Variants in PKNOX2 observed in about 807,000 individuals in gnomAD.
The protein encoded by PKNOX2 is homeobox protein PKNOX2.
A neutral mutation model predicts 53.1 loss-of-function variants in PKNOX2; 14 were observed. That is an observed-to-expected ratio of 0.26 (90% CI 0.17 to 0.41). PKNOX2 has a LOEUF of 0.41. Ranked by LOEUF, PKNOX2 falls within the 10% of genes least tolerant of loss-of-function variation. PKNOX2 has a pLI of 1.00. For synonymous variants in PKNOX2, 257 were observed against 242.8 expected, an observed-to-expected ratio of 1.06 and a Z score of -0.54; for missense variants, 496 against 602.8, an observed-to-expected ratio of 0.82 and a Z score of 1.85.
intron 2 of PKNOX2, among the ~76,000 whole-genome samples, chr11:125,259,993 C>T (rs1944718343): frequency 6.6e-6 from 1 of 152,030 alleles, no homozygotes; most frequent in Non-Finnish European, 1.5e-5. Flanking sequence ...CCTCCTGCCT[C>T]ACTCTCCCCA....
At chr11:125,390,001 C>T (rs1016624048) in intron 6 of PKNOX2, among the ~76,000 whole-genome samples, 4 of 152,252 alleles carry the variant, frequency 2.6e-5, no homozygotes, top group African/African-American at 9.6e-5. Flanking sequence ...GAGCTCTGGG[C>T]CCAGAGGCCT....
At chr11:125,224,036 C>A (rs1941455664) in intron 1 of PKNOX2, among the ~76,000 whole-genome samples, 1 of 152,258 alleles carries the variant, frequency 6.6e-6, no homozygotes, top group Non-Finnish European at 1.5e-5. Flanking sequence ...GCTGCTGCGG[C>A]CTTGCTCACA....
chr11:125,326,630 G>C (rs548526433), intron 2 of PKNOX2, among the ~76,000 whole-genome samples: 2 of 152,166 alleles, frequency 1.3e-5, no homozygotes, highest in Non-Finnish European at 2.9e-5. Context: ...GTGTCTTTGA[G>C]ATCAGCCTCA....
chr11:125,178,903 T>A (rs537663446), intron 1 of PKNOX2, among the ~76,000 whole-genome samples: 13 of 152,172 alleles, frequency 8.5e-5, no homozygotes, highest in African/African-American at 2.9e-4. Context: ...TGTAAGTTGG[T>A]ACAGTAATTC....
intron 3 of PKNOX2, among the ~76,000 whole-genome samples, chr11:125,350,575 T>C (rs993660704): frequency 2.6e-5 from 4 of 152,154 alleles, no homozygotes; most frequent in Non-Finnish European, 5.9e-5. Flanking sequence ...TCCTCCTTAA[T>C]AGGATATGCA....
At chr11:125,314,592 A>T (rs964724020) in intron 2 of PKNOX2, among the ~76,000 whole-genome samples, 1 of 152,038 alleles carries the variant, frequency 6.6e-6, no homozygotes, top group African/African-American at 2.4e-5. Flanking sequence ...AAGGCTTCGT[A>T]CTTCAGCTCC....
chr11:125,317,268 C>T (rs578170325), intron 2 of PKNOX2, among the ~76,000 whole-genome samples: 1 of 152,322 alleles, frequency 6.6e-6, no homozygotes, highest in East Asian at 1.9e-4. Context: ...TTGAAATCAA[C>T]TTCTTCTAAA....
chr11:125,334,587 GTTTT>G (rs200038202), intron 3 of PKNOX2, among the ~76,000 whole-genome samples: 1 of 131,596 alleles, frequency 7.6e-6, no homozygotes, highest in Non-Finnish European at 1.6e-5. Context: ...TTAAGTTTTC[GTTTT>G]TTTTTTTTTT....
intron 3 of PKNOX2, among the ~76,000 whole-genome samples, chr11:125,334,592 T>G (rs1950331254): frequency 7.1e-6 from 1 of 141,672 alleles, no homozygotes; most frequent in Non-Finnish European, 1.5e-5. Flanking sequence ...TTTTCGTTTT[T>G]TTTTTTTTTT....
At chr11:125,406,917 TAAAAAAAAAAAAAAA>T (rs67687488) in intron 7 of PKNOX2, among the ~76,000 whole-genome samples, 3 of 41,716 alleles carry the variant, frequency 7.2e-5, no homozygotes, top group Admixed American at 3.9e-4. Context: ...AATCTATGTC[TAAAAAAAAAAAAAAA>T]AAAAAAAAAA....
chr11:125,397,761 G>A (rs1954496258), intron 6 of PKNOX2, 113 bp from the exon 7 acceptor site: 1 of 1,098,728 alleles, frequency 9.1e-7, no homozygotes, highest in East Asian at 2.4e-5. Context: ...TAGGAAGCAT[G>A]AGCTACGGCA....
At position 125,222,605 on chromosome 11, in the gene PKNOX2, CTGTG is replaced by C. The variant is rs1010713566; in HGVS notation, c.-200-12436_-200-12433del. 1.5e-4 allele frequency among the ~76,000 whole-genome samples: 21 copies of C among 140,766 alleles called. 1 individual carries two copies. The Middle Eastern group carries it at 0.022, about 146-fold the overall frequency. 92.3% of individuals were successfully genotyped at this position (140,766 alleles called of 152,430 possible). ...GCTCCTGGTGTGTGTGTGTGTGTGT[CTGTG>C]TGTATGTGTGTGTATGTGTGTGTGT... On this transcript the variant is annotated intron_variant, in intron 1 of 12. Coordinates refer to ENST00000298282, the MANE Select transcript of PKNOX2 (RefSeq NM_001382323.2).
At chr11:125,258,027 C>T (rs985796368) in intron 2 of PKNOX2, among the ~76,000 whole-genome samples, 6 of 152,166 alleles carry the variant, frequency 3.9e-5, no homozygotes, top group Non-Finnish European at 8.8e-5. Context: ...TTGAAGATGG[C>T]CTTCCCTGGG....
At chr11:125,203,588 G>A (rs1078532) in intron 1 of PKNOX2, among the ~76,000 whole-genome samples, 31,659 of 152,056 alleles carry the variant, frequency 0.21, 3,419 homozygotes, top group African/African-American at 0.27. Flanking sequence ...TCCCTCCTTG[G>A]AGGACATTCT....
In PKNOX2 at chr11:125,240,977, G is replaced by A. The variant is rs1943096096; in HGVS notation, c.-130+5862G>A. Among the ~76,000 whole-genome samples, 1 of 152,220 alleles carries A rather than the reference G, an allele frequency of 6.6e-6. No homozygotes were observed. Among genetic ancestry groups the A allele is most frequent in the East Asian group, 1.9e-4 (1 of 5,198 alleles). On this transcript the variant is annotated intron_variant, in intron 2 of 12. Transcript: ENST00000298282. This position sits in a 1 kb window ranked among gnomAD's most constrained non-coding sequence, Gnocchi z 4.3. ...CCAAGGAGAGCCTCCCGTATCTGGA[G>A]GAGCCTAGCGCTGTGCTTGCGATAG...
chr11:125,301,520 T>G (rs764822150), intron 2 of PKNOX2, among the ~76,000 whole-genome samples: 7 of 151,908 alleles, frequency 4.6e-5, no homozygotes, highest in Non-Finnish European at 1.0e-4. Flanking sequence ...GTTGAATTGT[T>G]TGGCATTATC....
At chr11:125,309,033 C>T (rs1049086070) in intron 2 of PKNOX2, among the ~76,000 whole-genome samples, 7 of 152,162 alleles carry the variant, frequency 4.6e-5, no homozygotes, top group Admixed American at 2.0e-4. Flanking sequence ...GGAGTAAACA[C>T]GCTCCTCCTG....
At chr11:125,315,301 A>AG (rs1356611129) in intron 2 of PKNOX2, among the ~76,000 whole-genome samples, 1 of 125,822 alleles carries the variant, frequency 7.9e-6, no homozygotes, top group African/African-American at 3.6e-5. Context: ...TTTGTGAAGC[A>AG]GGAAAAAAAA....
intron 1 of PKNOX2, among the ~76,000 whole-genome samples, chr11:125,167,252 C>G (rs985217356): frequency 3.3e-5 from 5 of 152,000 alleles, no homozygotes; most frequent in Admixed American, 2.0e-4. Context: ...ATTTCCTCCT[C>G]TTAATATTAA....
Sources: gnomAD v4.1 joint callset for allele counts (sites outside exome capture counted in the v4.1 genomes callset) on GRCh38, gnomAD v4.1.1 for gene constraint, Gnocchi (gnomAD v3.1) non-coding constraint, MANE v1.5 for transcripts, NCBI Gene and HGNC (gene_info 2026-07-23, HGNC 2026-07-21) for gene names.